Variants in ANKRD26 observed in about 807,000 individuals in gnomAD.
The protein encoded by ANKRD26 is ankyrin repeat domain 26.
ANKRD26 carries 141 observed loss-of-function variants against 208.7 expected under a neutral mutation model. The ratio of observed to expected loss-of-function variants is 0.68; its 90% CI spans 0.59 to 0.78. ANKRD26 has a LOEUF of 0.78. ANKRD26 is among the 30% of genes least tolerant of loss of function. ANKRD26 has a pLI of 0.00. For synonymous variants in ANKRD26, 636 were observed against 660.4 expected (o/e 0.96, Z 0.57); for missense variants, 1,889 against 1,938.7 (o/e 0.97, Z 0.48).
Position 27,005,250 on chromosome 10 carries a change from T to G in ANKRD26, c.*340A>C. On this transcript the variant is annotated 3_prime_UTR_variant, in exon 34 of 34. Coordinates refer to ENST00000376087, the MANE Select transcript of ANKRD26 (RefSeq NM_014915.3). Reference sequence around the variant, plus strand: ...ACAACAAAATGATGTCTAAGTCCAATTAGACATCTACCACTACATATAGTG... The same window carrying G: ...ACAACAAAATGATGTCTAAGTCCAAGTAGACATCTACCACTACATATAGTG... 9.8e-7 allele frequency: 1 copy of G among 1,019,056 alleles called. No homozygotes were observed. Among genetic ancestry groups the G allele is most frequent in the Non-Finnish European group, 1.2e-6 (1 of 850,918 alleles). The allele number at this position is 1,019,056 out of a possible 1,614,324, so 63.1% of individuals were successfully genotyped here.
intron 9 of ANKRD26, among the ~76,000 whole-genome samples, chr10:27,074,445 C>G (rs2055617935): frequency 6.6e-6 from 1 of 152,188 alleles, no homozygotes; most frequent in Non-Finnish European, 1.5e-5. Context: ...CTTTGGGAGG[C>G]CAAGGTGGGT....
At chr10:27,074,579 G>A (rs1294619636) in intron 9 of ANKRD26, among the ~76,000 whole-genome samples, 1 of 152,272 alleles carries the variant, frequency 6.6e-6, no homozygotes, top group South Asian at 2.1e-4. Context: ...TACTAGGGGG[G>A]CTGAAGCAGG....
chr10:27,093,280 C>G, intron 3 of ANKRD26, 69 bp downstream of exon 3: 5 of 1,447,016 alleles, frequency 3.5e-6, no homozygotes, highest in African/African-American at 1.4e-5. Flanking sequence ...GAAAACTAAC[C>G]CTTACATATG....
the ANKRD26 span, among the ~76,000 whole-genome samples, chr10:26,950,414 T>C: frequency 6.8e-6 from 1 of 147,930 alleles, no homozygotes; most frequent in Non-Finnish European, 1.5e-5. Flanking sequence ...GGTAGTTTCT[T>C]TATAGCAGTG....
intron 5 of ANKRD26, among the ~76,000 whole-genome samples, chr10:26,980,496 G>T (rs2052291048): frequency 6.6e-6 from 1 of 152,176 alleles, no homozygotes; most frequent in South Asian, 2.1e-4. Context: ...AATCTTTATG[G>T]GAGTCAGGAA....
chr10:26,972,069 A>C (rs1331906461), downstream of ANKRD26, among the ~76,000 whole-genome samples: 1 of 152,000 alleles, frequency 6.6e-6, no homozygotes, highest in East Asian at 1.9e-4. Context: ...CCCCGTCTCT[A>C]CTAAAAATAC....
intron 33 of ANKRD26, 68 bp from the exon 34 acceptor site, chr10:27,005,791 G>C: frequency 6.5e-7 from 1 of 1,537,412 alleles, no homozygotes. Flanking sequence ...GTGGAAGTCA[G>C]TAAAAGAGTT....
chr10:26,972,140 C>G (rs572111492), downstream of ANKRD26, among the ~76,000 whole-genome samples: 4 of 150,738 alleles, frequency 2.7e-5, no homozygotes, highest in South Asian at 2.1e-4. Context: ...GAGGCTGAGG[C>G]AGGAGAATGG....
chr10:27,053,495 C>T lies in ANKRD26; in HGVS notation c.1565-105G>A, dbSNP rs1011492851. The T allele has an allele frequency of 5.3e-5, 44 of 827,030 alleles. No homozygotes were observed. In the African/African-American group the frequency reaches 6.7e-4, roughly 13 times the overall value. The allele number at this position is 827,030 out of a possible 1,614,324, so 51.2% of individuals were successfully genotyped here. A position where few individuals can be genotyped will look rare whatever the true frequency, so the allele number is the denominator to read the frequency against. The stretch of plus-strand genomic sequence containing the variant: ...ATAATATTTATTTTATTTTATAAAT[C>T]GAGAGGGTTTTCTTCTATTTGTTTA... On this transcript the variant is annotated intron_variant, in intron 15 of 33. Transcript: ENST00000376087.
intron 15 of ANKRD26, among the ~76,000 whole-genome samples, chr10:27,058,452 A>C (rs2054920827): frequency 6.6e-6 from 1 of 152,212 alleles, no homozygotes; most frequent in Admixed American, 6.5e-5. Context: ...GTGGCTGTAC[A>C]TGCATGTATT....
chr10:27,006,473 T>C (rs906648350), intron 33 of ANKRD26, among the ~76,000 whole-genome samples: 2 of 152,322 alleles, frequency 1.3e-5, no homozygotes, highest in South Asian at 4.1e-4. Flanking sequence ...ATTTCAAATG[T>C]CACCTGTCAA....
Position 27,043,478 on chromosome 10 carries a change from A to G in ANKRD26, c.2109T>C (p.Ser703=). The part of the protein sequence containing the change: ...TASEDCELPH[S]SYKNFMLLIE... Reference sequence around the variant, plus strand: ...TGAGCAACATAAAATTCTTGTAACTAGAGTGGGGTAGCTCACAATCCTCTG... The same window carrying G: ...TGAGCAACATAAAATTCTTGTAACTGGAGTGGGGTAGCTCACAATCCTCTG... The change falls in exon 20 of 34, where the codon TCT becomes TCC. Residue 703 remains serine, a synonymous_variant. Transcript: ENST00000376087. 2 of 1,614,040 alleles carry G rather than the reference A, an allele frequency of 1.2e-6. No individual in the cohort carries two copies. Among genetic ancestry groups the G allele is most frequent in the Non-Finnish European group, 1.7e-6 (2 of 1,179,926 alleles).
chr10:27,008,422 T>C (rs572877134), intron 32 of ANKRD26, among the ~76,000 whole-genome samples: 9 of 152,228 alleles, frequency 5.9e-5, no homozygotes, highest in African/African-American at 1.9e-4. Flanking sequence ...AAAGGAGAAG[T>C]CTTTATTGAA....
Position 27,052,230 on chromosome 10 carries a change from A to T in ANKRD26, c.1635+1090T>A, listed in dbSNP as rs530853806. The T allele has an allele frequency of 2.9e-5, 28 of 952,028 alleles. No individual in the cohort carries two copies. In the African/African-American group the frequency reaches 4.8e-4, roughly 16 times the overall value. 59.0% of individuals were successfully genotyped at this position (952,028 alleles called of 1,614,324 possible). ...CTTAGTCTATGTTTAGTTACTCCCA[A>T]ATCACTGGATTGTAACTAAGAAGTA... On this transcript the variant is annotated intron_variant, in intron 16 of 33. Transcript: ENST00000376087.
At position 27,079,076 on chromosome 10, in the gene ANKRD26, G is replaced by A. The variant is rs1376526260; in HGVS notation, c.813+13C>T. 2.5e-6 allele frequency: 4 copies of A among 1,604,484 alleles called. No individual in the cohort carries two copies. Among genetic ancestry groups the A allele is most frequent in the Non-Finnish European group, 3.4e-6 (4 of 1,171,382 alleles). On this transcript the variant is annotated intron_variant, in intron 7 of 33. Transcript: ENST00000376087. ...CAGAGTAAGAAAATTAAGTTCATGA[G>A]AGAGCACTTTACCTTAGTATCAAAA... is the stretch of plus-strand genomic sequence containing the variant.
chr10:27,033,331 T>C lies in ANKRD26; in HGVS notation c.3701A>G (p.Lys1234Arg), dbSNP rs750770123. 2 of 1,612,050 alleles carry C rather than the reference T, an allele frequency of 1.2e-6. No individual in the cohort carries two copies. The highest frequency in any genetic ancestry group is 2.2e-5 in the South Asian group (2 of 90,886). Reference protein sequence around the residue: ...LQQELADTLKKQSMSEASLEV... With the variant: ...LQQELADTLKRQSMSEASLEV... The stretch of plus-strand genomic sequence containing the variant: ...CAGTGAAGCCTCTGACATAGATTGT[T>C]TTTTTAGGGTATCAGCTAGTTCTTG... The change falls in exon 25 of 34, where the codon AAA becomes AGA. Residue 1234 changes from lysine to arginine, a missense_variant. Lys to Arg is a conservative substitution (Grantham distance 26). Transcript: ENST00000376087.
intron 12 of ANKRD26, among the ~76,000 whole-genome samples, chr10:27,062,520 A>C (rs1344857913): frequency 6.6e-6 from 1 of 152,220 alleles, no homozygotes; most frequent in Non-Finnish European, 1.5e-5. Context: ...AATTTTAAGA[A>C]GCTCTGGTCC....
chr10:27,008,756 T>C (rs1034716224), intron 32 of ANKRD26, among the ~76,000 whole-genome samples: 3 of 152,194 alleles, frequency 2.0e-5, no homozygotes, highest in Non-Finnish European at 2.9e-5. Context: ...AAAGGGTATA[T>C]GGTATAAAGT....
At position 27,004,238 on chromosome 10, in the gene ANKRD26, T is replaced by C. The variant is rs2052793908; in HGVS notation, c.*1352A>G. ...AAATGTTAACATTTGGGGAATAATA[T>C]CCAAAAATTATTTGTACTACCTCTT... On this transcript the variant is annotated 3_prime_UTR_variant, in exon 34 of 34. Transcript: ENST00000376087. 2 of 152,200 alleles carry C rather than the reference T, an allele frequency of 1.3e-5. No individual in the cohort carries two copies. The highest frequency in any genetic ancestry group is 1.3e-4 in the Admixed American group (2 of 15,274). 9.4% of individuals were successfully genotyped at this position (152,200 alleles called of 1,614,324 possible). A position where few individuals can be genotyped will look rare whatever the true frequency, so the allele number is the denominator to read the frequency against.
Sources: gnomAD v4.1 joint callset for allele counts (sites outside exome capture counted in the v4.1 genomes callset) on GRCh38, gnomAD v4.1.1 for gene constraint, MANE v1.5 for transcripts, NCBI Gene and HGNC (gene_info 2026-07-23, HGNC 2026-07-21) for gene names.